ZPBP: variants seen among roughly 807,000 people sequenced by gnomAD.
The protein encoded by ZPBP is zona pellucida-binding protein 1.
ZPBP carries 26 observed loss-of-function variants against 44.8 expected under a neutral mutation model. The ratio of observed to expected loss-of-function variants is 0.58; its 90% confidence interval spans 0.43 to 0.81. The LOEUF (loss-of-function observed/expected upper bound fraction) is 0.81. Ranked by LOEUF, ZPBP falls within the 30% of genes least tolerant of loss-of-function variation. ZPBP has a pLI of 0.00. For synonymous variants in ZPBP, 174 were observed against 153.2 expected, an observed-to-expected ratio of 1.14 and a Z score of -1.00; for missense variants, 409 against 434.0, an observed-to-expected ratio of 0.94 and a Z score of 0.51.
chr7:50,068,103 C>G (rs931428623), intron 3 of ZPBP, among the ~76,000 whole-genome samples: 2 of 152,084 alleles, frequency 1.3e-5, no homozygotes, highest in Non-Finnish European at 2.9e-5. Flanking sequence ...CCTGGTTGGC[C>G]TCTTAGAGGA....
At chr7:49,904,237 A>C (rs151311884) in intron 1 of ZPBP, among the ~76,000 whole-genome samples, 479 of 152,308 alleles carry the variant, frequency 3.1e-3, no homozygotes, top group African/African-American at 0.011. Context: ...GCTTTTCATT[A>C]AAAGAAAAGC....
chr7:50,040,414 GC>G (rs1385251586), intron 4 of ZPBP, among the ~76,000 whole-genome samples: 9 of 152,170 alleles, frequency 5.9e-5, no homozygotes, highest in African/African-American at 2.2e-4. Context: ...GCAGTTCCCA[GC>G]GAGATCAACG....
At chr7:50,029,194 A>T (rs761551441) in intron 5 of ZPBP, among the ~76,000 whole-genome samples, 1 of 152,210 alleles carries the variant, frequency 6.6e-6, no homozygotes, top group Non-Finnish European at 1.5e-5. Flanking sequence ...TTTACGGTTA[A>T]CTGACTTTCA....
At chr7:49,971,137 C>G (rs887214704) in intron 7 of ZPBP, among the ~76,000 whole-genome samples, 5 of 151,914 alleles carry the variant, frequency 3.3e-5, no homozygotes, top group Non-Finnish European at 5.9e-5. Context: ...TGCCATCCAG[C>G]AAAAGCAGTG....
chr7:49,920,692 A>G (rs1265662694), intron 1 of ZPBP: 3 of 150,074 alleles, frequency 2.0e-5, no homozygotes, highest in Non-Finnish European at 3.0e-5. Context: ...TAAAACACAT[A>G]TGTATTTAAT....
chr7:49,943,028 G>T, intron 7 of ZPBP: 1 of 280,972 alleles, frequency 3.6e-6, no homozygotes. Context: ...AAGCTGGGGG[G>T]CCACAGGTGA....
intron 2 of ZPBP, among the ~76,000 whole-genome samples, chr7:49,859,725 T>A (rs1790569761): frequency 6.6e-6 from 1 of 152,224 alleles, no homozygotes; most frequent in African/African-American, 2.4e-5. Flanking sequence ...AGAATGATCT[T>A]GATTATTTTC....
At chr7:49,905,561 T>G (rs1793040216) in intron 1 of ZPBP, among the ~76,000 whole-genome samples, 1 of 152,236 alleles carries the variant, frequency 6.6e-6, no homozygotes, top group African/African-American at 2.4e-5. Flanking sequence ...TTTTATTTAT[T>G]TGTGTGCATT....
downstream of ZPBP, among the ~76,000 whole-genome samples, chr7:49,849,540 T>C (rs573433555): frequency 1.5e-4 from 23 of 152,336 alleles, no homozygotes; most frequent in South Asian, 4.3e-3. Context: ...CCCTACTCCA[T>C]GCCACATTTC....
intron 1 of ZPBP, among the ~76,000 whole-genome samples, chr7:49,903,838 C>T (rs890367875): frequency 6.6e-6 from 1 of 152,166 alleles, no homozygotes; most frequent in African/African-American, 2.4e-5. Flanking sequence ...AAGAACAGCT[C>T]TCTCTCTAGT....
chr7:49,912,322 C>A, intron 1 of ZPBP: 3 of 874,280 alleles, frequency 3.4e-6, no homozygotes, highest in South Asian at 2.3e-5. Flanking sequence ...TTTTCCTTTT[C>A]TTGATAACAG....
intron 7 of ZPBP, among the ~76,000 whole-genome samples, chr7:49,957,915 G>C (rs1795681944): frequency 1.3e-5 from 2 of 152,212 alleles, no homozygotes; most frequent in Non-Finnish European, 2.9e-5. Context: ...CAAAGCCATA[G>C]AAGTGTGGCT....
intron 2 of ZPBP, among the ~76,000 whole-genome samples, chr7:49,854,267 T>C (rs769922): frequency 0.76 from 116,201 of 152,060 alleles, 44,625 homozygotes; most frequent in East Asian, 0.88. Flanking sequence ...ATTTCTAGTT[T>C]GAGATCCTTG....
intron 7 of ZPBP, among the ~76,000 whole-genome samples, chr7:49,959,342 C>G (rs1795751474): frequency 6.7e-6 from 1 of 149,720 alleles, no homozygotes; most frequent in South Asian, 2.1e-4. Context: ...TAAAAAGGAT[C>G]TACAAAATAA....
intron 4 of ZPBP, chr7:50,056,261 T>C (rs781203039): frequency 3.9e-5 from 6 of 152,244 alleles, no homozygotes; most frequent in Non-Finnish European, 8.8e-5. Flanking sequence ...CTGAAAGCTT[T>C]AGGGGGAATC....
rs375750200 is a variant in ZPBP at position 49,986,198 on chromosome 7, C to A, written c.784-2679G>T. 3.9e-5 allele frequency among the ~76,000 whole-genome samples: 6 copies of A among 152,130 alleles called. No homozygotes were observed. In the South Asian group the frequency reaches 6.2e-4, roughly 16 times the overall value. On this transcript the variant is annotated intron_variant, in intron 6 of 7. Transcript: ENST00000046087. The stretch of plus-strand genomic sequence containing the variant: ...CCCTCTTGTATCTGAGCCTTTTTGT[C>A]CTTGGACTTCTGAGAGTAGAAGAAA...
intron 2 of ZPBP, among the ~76,000 whole-genome samples, chr7:49,875,382 A>AAAAAAAAAAC (rs1336157603): frequency 3.3e-5 from 5 of 149,324 alleles, no homozygotes; most frequent in Non-Finnish European, 5.9e-5. Context: ...AAAAAAAAAA[A>AAAAAAAAAAC]AAAAAAAAAA....
intron 2 of ZPBP, among the ~76,000 whole-genome samples, chr7:49,854,176 C>A (rs1232707857): frequency 1.3e-5 from 2 of 152,144 alleles, no homozygotes; most frequent in African/African-American, 4.8e-5. Context: ...AATAAGCATA[C>A]ATGTGCACGT....
intron 1 of ZPBP, among the ~76,000 whole-genome samples, chr7:49,907,427 G>A (rs1793164581): frequency 6.6e-6 from 1 of 152,134 alleles, no homozygotes; most frequent in Non-Finnish European, 1.5e-5. Flanking sequence ...AATGACATTT[G>A]CATTGTAATT....
Sources: gnomAD v4.1 joint callset for allele counts (sites outside exome capture counted in the v4.1 genomes callset) on GRCh38, gnomAD v4.1.1 for gene constraint, MANE v1.5 for transcripts, NCBI Gene and HGNC (gene_info 2026-07-23, HGNC 2026-07-21) for gene names.